Variants in GTF2H1 observed in about 807,000 individuals in gnomAD.
GTF2H1 encodes BTF2 p62.
Under a neutral mutation model 71.2 loss-of-function variants are expected in GTF2H1, and 16 were observed. That is an observed-to-expected ratio of 0.22 (90% CI 0.15 to 0.34). GTF2H1 has a LOEUF of 0.34. Among genes scored for constraint, GTF2H1 ranks in the 10% least tolerant of loss-of-function variants. The probability of loss-of-function intolerance (pLI) is 1.00; values close to 1 mark genes in which losing one functional copy is unlikely to be tolerated. For missense variants in GTF2H1, 498 were observed against 648.2 expected, an observed-to-expected ratio of 0.77 and a Z score of 2.52; for synonymous variants, 215 against 219.0, an observed-to-expected ratio of 0.98 and a Z score of 0.16.
intron 9 of GTF2H1, chr11:18,348,253 G>GA: frequency 5.0e-6 from 2 of 396,720 alleles, no homozygotes; most frequent in African/African-American, 2.1e-5. Flanking sequence ...CAATATGACA[G>GA]AAAAACCGAA....
rs201176508 is a variant in GTF2H1, at chr11:18,344,616, C to CA, written c.838-2952dup. 2.2e-3 allele frequency among the ~76,000 whole-genome samples: 216 copies of CA among 100,338 alleles called. 3 individuals are homozygous for CA. Among genetic ancestry groups the CA allele is most frequent in the South Asian group, 3.6e-3 (11 of 3,048 alleles). 65.8% of individuals were successfully genotyped at this position (100,338 alleles called of 152,430 possible). On this transcript the variant is annotated intron_variant, in intron 7 of 14. Transcript: ENST00000265963. ...CCTGAGTGACAGAGTGAGACTGTCT[C>CA]AAAAAAAAAAAAAAAAAAAAGGATT... is the stretch of plus-strand genomic sequence containing the variant.
chr11:18,341,393 C>T lies in GTF2H1; in HGVS notation c.740C>T (p.Ala247Val), dbSNP rs752418516. 6.2e-7 allele frequency: 1 copy of T among 1,613,598 alleles called. No individual in the cohort carries two copies. Among genetic ancestry groups the T allele is most frequent in the Non-Finnish European group, 8.5e-7 (1 of 1,179,840 alleles). The change falls in exon 6 of 15, where the codon GCC becomes GTC. Residue 247 changes from alanine to valine, a missense_variant. Ala to Val is a moderately conservative substitution (Grantham distance 64). Around this residue, in one of 3 missense-constraint regions of GTF2H1, gnomAD observed 216 missense variants for 306.2 expected, o/e 0.71. Transcript: ENST00000265963. ...TCAAAGGATCTCTTTGCAGAATGTG[C>T]CAAAATAGATGAAAAAGGTAACTGT... ...TGSKDLFAEC[A>V]KIDEKGLKTM...
At chr11:18,333,332 T>C (rs1413323484) in intron 2 of GTF2H1, 104 bp downstream of exon 2, 2 of 800,098 alleles carry the variant, frequency 2.5e-6, no homozygotes, top group African/African-American at 3.5e-5. Flanking sequence ...AAATCAACTA[T>C]GTAGAAATAA....
At chr11:18,327,916 A>T (rs960233174) in intron 1 of GTF2H1, among the ~76,000 whole-genome samples, 3 of 152,170 alleles carry the variant, frequency 2.0e-5, no homozygotes, top group Non-Finnish European at 4.4e-5. Flanking sequence ...TAAATTTAAG[A>T]ATATGGGGCA....
chr11:18,342,776 A>G (rs1356371154), intron 7 of GTF2H1, among the ~76,000 whole-genome samples: 2 of 152,160 alleles, frequency 1.3e-5, no homozygotes, highest in Non-Finnish European at 2.9e-5. Context: ...TTGTACATGT[A>G]CATTTGTAAC....
chr11:18,332,221 A>AT lies in GTF2H1; in HGVS notation c.-15-837dup, dbSNP rs1428826169. On this transcript the variant is annotated intron_variant, in intron 1 of 14. Coordinates refer to ENST00000265963, the MANE Select transcript of GTF2H1 (RefSeq NM_005316.4). Reference sequence around the variant, plus strand: ...GTAATTGTTAAATTATATTTTGGCCATTCCTCTGGGGATGAAAACTAAAGT... The same window carrying AT: ...GTAATTGTTAAATTATATTTTGGCCATTTCCTCTGGGGATGAAAACTAAAGT... Among the ~76,000 whole-genome samples the AT allele has an allele frequency of 2.6e-5, 4 of 152,260 alleles. No homozygotes were observed. In the East Asian group the frequency reaches 5.8e-4, roughly 22 times the overall value.
intron 7 of GTF2H1, among the ~76,000 whole-genome samples, chr11:18,342,250 CTCTTTT>C (rs1865173797): frequency 9.1e-6 from 1 of 110,436 alleles, no homozygotes; most frequent in Admixed American, 1.2e-4. Flanking sequence ...CTTTTTCTGT[CTCTTTT>C]TTTTTTTTTT....
intron 14 of GTF2H1, among the ~76,000 whole-genome samples, chr11:18,362,862 G>T (rs1437471363): frequency 1.1e-4 from 17 of 151,702 alleles, no homozygotes; most frequent in Admixed American, 3.3e-4. Context: ...GTAGAGACCG[G>T]GTTTCACTGT....
intron 1 of GTF2H1, among the ~76,000 whole-genome samples, chr11:18,328,512 C>CA (rs34390516): frequency 0.043 from 4,033 of 94,104 alleles, 100 homozygotes; most frequent in African/African-American, 0.085. Context: ...GACTCCATCT[C>CA]AAAAAAAAAA....
intron 11 of GTF2H1, among the ~76,000 whole-genome samples, chr11:18,355,403 A>G (rs1865520779): frequency 6.6e-6 from 1 of 152,010 alleles, no homozygotes; most frequent in Non-Finnish European, 1.5e-5. Flanking sequence ...TCAGCCTCCC[A>G]AAGTGCTGGG....
At chr11:18,334,175 C>G (rs987847331) in intron 2 of GTF2H1, among the ~76,000 whole-genome samples, 10 of 152,118 alleles carry the variant, frequency 6.6e-5, no homozygotes, top group South Asian at 2.1e-4. Context: ...GTCAGGAGAT[C>G]GAGACCATCC....
At chr11:18,348,494 A>G (rs1328447184) in intron 9 of GTF2H1, 2 of 153,330 alleles carry the variant, frequency 1.3e-5, no homozygotes, top group Non-Finnish European at 2.9e-5. Flanking sequence ...CAGTCAGGCA[A>G]TGTGTATTAA....
chr11:18,339,881 T>C (rs1865116967), intron 5 of GTF2H1, among the ~76,000 whole-genome samples: 1 of 152,192 alleles, frequency 6.6e-6, no homozygotes, highest in Non-Finnish European at 1.5e-5. Flanking sequence ...TACTACTAAC[T>C]CAGATCATTC....
At chr11:18,326,471 G>A (rs961123719) in intron 1 of GTF2H1, among the ~76,000 whole-genome samples, 5 of 151,024 alleles carry the variant, frequency 3.3e-5, no homozygotes, top group Admixed American at 2.6e-4. Flanking sequence ...GCAGTAAGCC[G>A]AAATGAGGCC....
At chr11:18,325,531 T>C (rs1041030722) in intron 1 of GTF2H1, among the ~76,000 whole-genome samples, 3 of 152,206 alleles carry the variant, frequency 2.0e-5, no homozygotes, top group Non-Finnish European at 2.9e-5. Context: ...ACCCGACATA[T>C]ATGGCCTCTG....
At chr11:18,355,373 G>A (rs977709493) in intron 11 of GTF2H1, among the ~76,000 whole-genome samples, 1 of 151,822 alleles carries the variant, frequency 6.6e-6, no homozygotes, top group Non-Finnish European at 1.5e-5. Context: ...TCGATCTCCT[G>A]ACCTCGTGAT....
rs370471103 is a variant in GTF2H1, at chr11:18,353,180, G to A, written c.1260+734G>A. On this transcript the variant is annotated intron_variant, in intron 11 of 14. Coordinates refer to ENST00000265963, the MANE Select transcript of GTF2H1 (RefSeq NM_005316.4). The stretch of plus-strand genomic sequence containing the variant: ...GCAGAGGTTACAGTGAGCTGACACC[G>A]CGCCATTGCACTCCAGCCTGGGCGA... 3.1e-4 allele frequency among the ~76,000 whole-genome samples: 47 copies of A among 152,358 alleles called. No homozygotes were observed. The East Asian group carries it at 6.7e-3, about 22-fold the overall frequency.
chr11:18,354,724 C>T (rs1436752869), intron 11 of GTF2H1, among the ~76,000 whole-genome samples: 2 of 152,146 alleles, frequency 1.3e-5, no homozygotes, highest in Non-Finnish European at 2.9e-5. Context: ...AGAGCATTCC[C>T]TTCTCCTCTG....
intron 11 of GTF2H1, among the ~76,000 whole-genome samples, chr11:18,354,301 G>A (rs1316458699): frequency 6.6e-6 from 1 of 152,166 alleles, no homozygotes; most frequent in African/African-American, 2.4e-5. Context: ...TTGGTTAAAG[G>A]TAGTATTTGC....
Sources: gnomAD v4.1 joint callset for allele counts (sites outside exome capture counted in the v4.1 genomes callset) on GRCh38, gnomAD v4.1.1 for gene constraint, gnomAD v4.1.1 regional missense constraint, MANE v1.5 for transcripts, NCBI Gene and HGNC (gene_info 2026-07-23, HGNC 2026-07-21) for gene names.